The following MYT1L variants were observed in gnomAD, a reference collection of about 807,000 sequenced individuals.
MYT1L encodes the protein myelin transcription factor 1 like.
Under a neutral mutation model 126.7 loss-of-function variants are expected in MYT1L, and 12 were observed. The observed-to-expected ratio is 0.09, with a 90% confidence interval of 0.06 to 0.15. The LOEUF is 0.15. Ranked by LOEUF, MYT1L falls within the 10% of genes least tolerant of loss-of-function variation. The probability of loss-of-function intolerance (pLI) is 1.00; values close to 1 mark genes in which losing one functional copy is unlikely to be tolerated. For missense variants in MYT1L, 979 were observed against 1,585.2 expected (o/e 0.62, Z 6.49); for synonymous variants, 541 against 604.2 (o/e 0.90, Z 1.53).
rs60682131 is a variant in MYT1L at position 2,262,939 on chromosome 2, G to GATATATATATAT, written c.-421+21453_-421+21464dup. On this transcript the variant is annotated intron_variant, in intron 2 of 24. Transcript: ENST00000647738. ...AAATATATATATATATATAACCTGT[G>GATATATATATAT]ATATATATATATATATCACAGGTAA... 7.3e-4 allele frequency among the ~76,000 whole-genome samples: 38 copies of GATATATATATAT among 51,956 alleles called. 3 individuals carry two copies. Among genetic ancestry groups the GATATATATATAT allele is most frequent in the African/African-American group, 2.0e-3 (23 of 11,742 alleles). 34.1% of individuals were successfully genotyped at this position (51,956 alleles called of 152,430 possible). A position where few individuals can be genotyped will look rare whatever the true frequency, so the allele number is the denominator to read the frequency against.
rs558447643 is a variant in MYT1L, at chr2:2,180,613, T to C, written c.-420-7625A>G. Among the ~76,000 whole-genome samples the C allele has an allele frequency of 2.0e-5, 3 of 149,216 alleles. No individual in the cohort carries two copies. The East Asian group carries it at 6.0e-4, about 30-fold the overall frequency. On this transcript the variant is annotated intron_variant, in intron 2 of 24. Coordinates refer to ENST00000647738, the MANE Select transcript of MYT1L (RefSeq NM_001303052.2). ...ATGTGTGTACCTGTGTGTGTGCTTA[T>C]GTACCTGTGTGTAGCTGTGTGTGCA...
chr2:1,818,042 C>T (rs1315134227), intron 21 of MYT1L, among the ~76,000 whole-genome samples: 2 of 150,556 alleles, frequency 1.3e-5, no homozygotes, highest in Non-Finnish European at 2.9e-5. Context: ...AAGGTTCCAG[C>T]GAAAGCTTTA....
intron 3 of MYT1L, among the ~76,000 whole-genome samples, chr2:2,143,825 G>C (rs1232022697): frequency 6.6e-6 from 1 of 152,132 alleles, no homozygotes; most frequent in Non-Finnish European, 1.5e-5. Flanking sequence ...CATGGATGCA[G>C]CTGGAGGCCA....
Position 2,053,600 on chromosome 2 carries a change from T to A in MYT1L, c.-158+378A>T, listed in dbSNP as rs1349153365. 2.6e-5 allele frequency among the ~76,000 whole-genome samples: 4 copies of A among 152,024 alleles called. No individual in the cohort carries two copies. The East Asian group carries it at 7.7e-4, about 29-fold the overall frequency. ...ATGACCTTCTTAATTTCCTCAAATATAAAATATCCCAAAATAGAACTAATA... is the reference window on the plus strand; with the variant it reads ...ATGACCTTCTTAATTTCCTCAAATAAAAAATATCCCAAAATAGAACTAATA... On this transcript the variant is annotated intron_variant, in intron 4 of 24. Transcript: ENST00000647738.
At chr2:2,246,511 A>G (rs1051197250) in intron 2 of MYT1L, among the ~76,000 whole-genome samples, 1 of 152,224 alleles carries the variant, frequency 6.6e-6, no homozygotes, top group Non-Finnish European at 1.5e-5. Context: ...CATCAGCATG[A>G]GACAGGGGTC....
At chr2:1,880,121 C>A (rs34390027) in intron 18 of MYT1L, among the ~76,000 whole-genome samples, 2,415 of 152,300 alleles carry the variant, frequency 0.016, 39 homozygotes, top group Non-Finnish European at 0.027. Flanking sequence ...AATCAAGCCA[C>A]CATCCTTGAA....
At chr2:1,911,997 C>T (rs2052076924) in intron 12 of MYT1L, 23 bp downstream of exon 12, 2 of 1,561,590 alleles carry the variant, frequency 1.3e-6, no homozygotes, top group Non-Finnish European at 8.7e-7. Flanking sequence ...CCCTCCCACA[C>T]CAGTGACCCA....
chr2:2,032,947 C>G, intron 4 of MYT1L, among the ~76,000 whole-genome samples: 1 of 146,806 alleles, frequency 6.8e-6, no homozygotes, highest in Admixed American at 6.8e-5. Context: ...CAGTGCCTCT[C>G]ACCCTGTGGC....
At chr2:2,118,702 AT>A (rs542857313) in intron 3 of MYT1L, among the ~76,000 whole-genome samples, 4 of 152,188 alleles carry the variant, frequency 2.6e-5, no homozygotes, top group African/African-American at 7.2e-5. Flanking sequence ...TTTTGCTTGG[AT>A]TTTTTTTCAG....
At chr2:1,902,429 A>G (rs1256555115) in intron 14 of MYT1L, among the ~76,000 whole-genome samples, 1 of 152,198 alleles carries the variant, frequency 6.6e-6, no homozygotes, top group Non-Finnish European at 1.5e-5. Context: ...CCCCAGTCAC[A>G]GGGGGACTCC....
chr2:2,033,251 C>A (rs1483973738), intron 4 of MYT1L, among the ~76,000 whole-genome samples: 1 of 133,994 alleles, frequency 7.5e-6, no homozygotes, highest in Non-Finnish European at 1.6e-5. Flanking sequence ...GAGGGCCTTA[C>A]ACACACCCCT....
intron 2 of MYT1L, among the ~76,000 whole-genome samples, chr2:2,234,824 A>G (rs1342756465): frequency 6.6e-6 from 1 of 152,216 alleles, no homozygotes; most frequent in African/African-American, 2.4e-5. Context: ...GCTATTATTT[A>G]AACAGGCTCT....
At chr2:1,997,504 C>G (rs2061973896) in intron 4 of MYT1L, among the ~76,000 whole-genome samples, 157 bp from the exon 5 acceptor site, 1 of 152,248 alleles carries the variant, frequency 6.6e-6, no homozygotes, top group Admixed American at 6.5e-5. Context: ...GCAACGCATT[C>G]CCCTTTAGAG....
At chr2:1,883,500 C>T (rs934639192) in intron 18 of MYT1L, among the ~76,000 whole-genome samples, 4 of 152,200 alleles carry the variant, frequency 2.6e-5, no homozygotes, top group African/African-American at 9.7e-5. Flanking sequence ...CGAGAAGAAA[C>T]TTTTCTGAGA....
intron 2 of MYT1L, among the ~76,000 whole-genome samples, chr2:2,221,601 G>C (rs1321349271): frequency 6.6e-6 from 1 of 152,216 alleles, no homozygotes; most frequent in Non-Finnish European, 1.5e-5. Flanking sequence ...AACAGAAAAT[G>C]ACCGCTGATT....
At chr2:1,913,281 G>A (rs1573514238) in intron 11 of MYT1L, among the ~76,000 whole-genome samples, 1 of 152,078 alleles carries the variant, frequency 6.6e-6, no homozygotes, top group Non-Finnish European at 1.5e-5. Context: ...TAGCTTTATC[G>A]CTCCCACAGT....
chr2:2,113,699 A>G (rs2079806710), intron 3 of MYT1L, among the ~76,000 whole-genome samples: 1 of 152,258 alleles, frequency 6.6e-6, no homozygotes, highest in South Asian at 2.1e-4. Context: ...TAACCTTCAA[A>G]AAGTTATGAA....
At chr2:2,180,598 CTG>C (rs146382891) in intron 2 of MYT1L, among the ~76,000 whole-genome samples, 1 of 148,352 alleles carries the variant, frequency 6.7e-6, no homozygotes, top group Non-Finnish European at 1.5e-5. Context: ...ATGTGTGTAC[CTG>C]TGTGTGTGCT....
chr2:2,130,869 A>G (rs2082279989), intron 3 of MYT1L, among the ~76,000 whole-genome samples: 2 of 152,114 alleles, frequency 1.3e-5, no homozygotes, highest in South Asian at 4.1e-4. Context: ...AAACAATTTT[A>G]TTCTTGAAAT....
Sources: gnomAD v4.1 joint callset for allele counts (sites outside exome capture counted in the v4.1 genomes callset) on GRCh38, gnomAD v4.1.1 for gene constraint, MANE v1.5 for transcripts, NCBI Gene and HGNC (gene_info 2026-07-23, HGNC 2026-07-21) for gene names.